ZFHX3: variants seen among roughly 807,000 people sequenced by gnomAD.
ZFHX3 encodes the protein zinc finger homeobox protein 3.
In ZFHX3, 42 loss-of-function variants were observed where a neutral mutation model predicts 279.1. The ratio of observed to expected loss-of-function variants is 0.15; its 90% CI spans 0.12 to 0.19. The LOEUF (loss-of-function observed/expected upper bound fraction) is 0.19, where lower values mean the gene tolerates loss of function less well. ZFHX3 is among the 10% of genes least tolerant of loss of function. The pLI is 1.00. For synonymous variants in ZFHX3, 2,293 were observed against 1,957.8 expected, an observed-to-expected ratio of 1.17 and a Z score of -4.52; for missense variants, 4,981 against 4,754.0, an observed-to-expected ratio of 1.05 and a Z score of -1.40.
chr16:73,526,937 G>A (rs1163829140), intron 2 of ZFHX3, among the ~76,000 whole-genome samples: 1 of 151,690 alleles, frequency 6.6e-6, no homozygotes, highest in Non-Finnish European at 1.5e-5. Context: ...CATTTTAAGA[G>A]ACACAAAAGA....
At chr16:72,969,136 C>T (rs796698044) in intron 1 of ZFHX3, among the ~76,000 whole-genome samples, 15 of 152,172 alleles carry the variant, frequency 9.9e-5, no homozygotes, top group African/African-American at 3.4e-4. Flanking sequence ...AGTAACCCCC[C>T]AAAACTATAA....
chr16:73,523,403 A>G (rs2019639887), intron 2 of ZFHX3, among the ~76,000 whole-genome samples: 2 of 152,088 alleles, frequency 1.3e-5, no homozygotes, highest in African/African-American at 4.8e-5. Flanking sequence ...ACAGCATGTG[A>G]TGTGCCTGCC....
chr16:73,022,156 G>A (rs1433114784), intron 1 of ZFHX3, among the ~76,000 whole-genome samples: 1 of 152,176 alleles, frequency 6.6e-6, no homozygotes, highest in East Asian at 1.9e-4. Flanking sequence ...GCTCCAAGCA[G>A]ACAAGCATTT....
chr16:72,907,704 C>G (rs2039218311), intron 3 of ZFHX3, among the ~76,000 whole-genome samples: 1 of 147,646 alleles, frequency 6.8e-6, no homozygotes, highest in African/African-American at 2.5e-5. Flanking sequence ...TTGATGGGGT[C>G]TCATTCTTGT....
intron 8 of ZFHX3, among the ~76,000 whole-genome samples, chr16:73,076,374 C>G (rs1162890150): frequency 6.6e-6 from 1 of 152,128 alleles, no homozygotes; most frequent in Non-Finnish European, 1.5e-5. Context: ...GATAAAGATA[C>G]GTTATCAAGG....
chr16:73,806,655 C>G (rs571756484), intron 1 of ZFHX3, among the ~76,000 whole-genome samples: 1 of 152,326 alleles, frequency 6.6e-6, no homozygotes, highest in Non-Finnish European at 1.5e-5. Flanking sequence ...GCTAAGGTCT[C>G]AAGGCCTCCC....
At chr16:73,863,002 G>GGGGTTC (rs1741738015) in intron 1 of ZFHX3, among the ~76,000 whole-genome samples, 1 of 151,166 alleles carries the variant, frequency 6.6e-6, no homozygotes, top group African/African-American at 2.4e-5. Flanking sequence ...CAGAAGGTCA[G>GGGGTTC]GAGACCAGCC....
At chr16:73,760,370 C>G (rs1435806640) in intron 1 of ZFHX3, among the ~76,000 whole-genome samples, 1 of 152,136 alleles carries the variant, frequency 6.6e-6, no homozygotes, top group African/African-American at 2.4e-5. Context: ...CAAAAAGGAG[C>G]TGGTACCATT....
At chr16:73,069,039 G>A (rs754801272) in intron 8 of ZFHX3, among the ~76,000 whole-genome samples, 7 of 152,196 alleles carry the variant, frequency 4.6e-5, no homozygotes, top group Non-Finnish European at 7.3e-5. Context: ...ATCACTCCTC[G>A]CCGTGCTCGG....
chr16:73,573,251 CCCTCACCACCCTCCCCAGTGTGAA>C (rs1387384641), intron 2 of ZFHX3, among the ~76,000 whole-genome samples: 1 of 152,122 alleles, frequency 6.6e-6, no homozygotes, highest in African/African-American at 2.4e-5. Flanking sequence ...ACACAGAAGA[CCCTCACCACCCTCCCCAGTGTGAA>C]CCTCACCACC....
rs1961421077 is a variant in ZFHX3 at position 72,959,052 on chromosome 16, T to C, written c.1094A>G (p.Tyr365Cys). ...ANLIGPGHSF[Y>C]GKFSGIRMEG... ...CATTCGAATGCCACTAAATTTACCATAAAAACTGTGTCCGGGGCCTATGAG... is the reference window on the plus strand; with the variant it reads ...CATTCGAATGCCACTAAATTTACCACAAAAACTGTGTCCGGGGCCTATGAG... The change falls in exon 2 of 10, where the codon TAT becomes TGT. Residue 365 changes from tyrosine (Y) to cysteine (C), a missense_variant. This residue lies in a region of ZFHX3 where 1,068 missense variants were observed against 935.2 expected (regional missense o/e 1.14). Coordinates refer to ENST00000268489, the MANE Select transcript of ZFHX3 (RefSeq NM_006885.4). 3.1e-6 allele frequency: 5 copies of C among 1,613,842 alleles called. No homozygotes were observed. In the South Asian group the frequency reaches 5.5e-5, roughly 18 times the overall value.
At chr16:72,789,805 T>G (rs2035618479) in intron 9 of ZFHX3, 1 of 152,198 alleles carries the variant, frequency 6.6e-6, no homozygotes, top group Non-Finnish European at 1.5e-5. Context: ...ACCATCTTCT[T>G]TTCCTGCCCC....
intron 2 of ZFHX3, chr16:73,456,388 C>T (rs768178318): frequency 6.6e-6 from 1 of 152,142 alleles, no homozygotes; most frequent in Non-Finnish European, 1.5e-5. Context: ...TTCTGCAGCA[C>T]AGAAGGCCCA....
intron 2 of ZFHX3, among the ~76,000 whole-genome samples, chr16:73,550,187 G>C (rs956332807): frequency 6.6e-6 from 1 of 152,112 alleles, no homozygotes; most frequent in African/African-American, 2.4e-5. Context: ...GGGCAAAGCT[G>C]TATTGAGTCA....
chr16:72,812,890 C>T (rs565630867), intron 5 of ZFHX3, among the ~76,000 whole-genome samples: 1 of 152,312 alleles, frequency 6.6e-6, no homozygotes, highest in East Asian at 1.9e-4. Context: ...GGAAAGGAAA[C>T]ATTTCTTTAT....
chr16:73,140,320 A>T (rs1293533487), intron 6 of ZFHX3, among the ~76,000 whole-genome samples: 1 of 152,158 alleles, frequency 6.6e-6, no homozygotes, highest in Non-Finnish European at 1.5e-5. Flanking sequence ...AACTAAAACC[A>T]TCCGTATCTT....
chr16:72,867,962 G>T (rs965892216), intron 4 of ZFHX3, among the ~76,000 whole-genome samples: 1 of 152,154 alleles, frequency 6.6e-6, no homozygotes, highest in Non-Finnish European at 1.5e-5. Flanking sequence ...ACAAGATGGC[G>T]CCCAAGGAAG....
At chr16:72,818,121 T>C (rs1188211308) in intron 5 of ZFHX3, among the ~76,000 whole-genome samples, 1 of 152,210 alleles carries the variant, frequency 6.6e-6, no homozygotes, top group Non-Finnish European at 1.5e-5. Flanking sequence ...ATGTCTGAGT[T>C]GGGATAACTA....
At chr16:72,829,623 C>A in intron 5 of ZFHX3, 156 bp downstream of exon 5, 2 of 711,778 alleles carry the variant, frequency 2.8e-6, no homozygotes, top group South Asian at 1.9e-5. Context: ...CTCAAAGAAG[C>A]AAACGAAATC....
Sources: allele counts gnomAD v4.1 joint callset (sites outside exome capture counted in the v4.1 genomes callset), GRCh38; gene constraint gnomAD v4.1.1; regional missense constraint gnomAD v4.1.1; transcripts MANE v1.5; gene names NCBI Gene and HGNC (gene_info 2026-07-23, HGNC 2026-07-21).